Variants in WWP2 observed in about 807,000 individuals in gnomAD.
WWP2 encodes NEDD4-like E3 ubiquitin-protein ligase WWP2.
In WWP2, 57 loss-of-function variants were observed where a neutral mutation model predicts 121.0. The ratio of observed to expected loss-of-function variants is 0.47; its 90% CI spans 0.38 to 0.59. The LOEUF (loss-of-function observed/expected upper bound fraction) is 0.59. Among genes scored for constraint, WWP2 ranks in the 20% least tolerant of loss-of-function variants. The pLI, the probability that WWP2 is intolerant of heterozygous loss-of-function variation, is 0.00. For missense variants in WWP2, 962 were observed against 1,158.9 expected, an observed-to-expected ratio of 0.83 and a Z score of 2.47; for synonymous variants, 449 against 441.3, an observed-to-expected ratio of 1.02 and a Z score of -0.22.
rs1454911230 is a variant in WWP2, at chr16:69,925,762, T to C, written c.1234+278T>C. Among the ~76,000 whole-genome samples, 1 of 152,190 alleles carries C rather than the reference T, an allele frequency of 6.6e-6. No homozygotes were observed. The highest frequency in any genetic ancestry group is 1.5e-5 in the Non-Finnish European group (1 of 68,036). On this transcript the variant is annotated intron_variant, in intron 11 of 23. Coordinates refer to ENST00000359154, the MANE Select transcript of WWP2 (RefSeq NM_001270454.2). This position sits in a 1 kb window ranked among gnomAD's most constrained non-coding sequence, Gnocchi z 4.0. ...AGATGTCCCTGAGCAGCTGGGGGGC[T>C]ATTGGCTTTTGGTCTTGAGTTTCAA...
intron 6 of WWP2, among the ~76,000 whole-genome samples, chr16:69,858,117 TA>T (rs537242054): frequency 1.3e-4 from 19 of 145,768 alleles, no homozygotes; most frequent in South Asian, 2.2e-4. Flanking sequence ...TTAGAACCAG[TA>T]AAAAAAAAAA....
intron 2 of WWP2, chr16:69,787,968 C>T (rs2055827644): frequency 6.6e-6 from 1 of 152,450 alleles, no homozygotes; most frequent in East Asian, 1.9e-4. Context: ...ACCATTGTCT[C>T]CACCCTGAGT....
chr16:69,932,859 C>CAG (rs1161747028), intron 16 of WWP2, among the ~76,000 whole-genome samples: 12 of 152,212 alleles, frequency 7.9e-5, no homozygotes, highest in African/African-American at 2.2e-4. Context: ...AGGGCCCCGG[C>CAG]AGAGAGAGAG....
At chr16:69,859,122 T>G (rs767927042) in intron 6 of WWP2, among the ~76,000 whole-genome samples, 3 of 152,226 alleles carry the variant, frequency 2.0e-5, no homozygotes, top group South Asian at 2.1e-4. Flanking sequence ...CAACACCATT[T>G]ATTAGCTCAC....
In WWP2 at chr16:69,771,952, CTTTTTTT is replaced by C. The variant is rs56376857; in HGVS notation, c.-16+9581_-16+9587del. 1.3e-3 allele frequency among the ~76,000 whole-genome samples: 73 copies of C among 55,826 alleles called. No homozygotes were observed. The South Asian group carries it at 0.035, about 27-fold the overall frequency. 36.6% of individuals were successfully genotyped at this position (55,826 alleles called of 152,430 possible). A position where few individuals can be genotyped will look rare whatever the true frequency, so the allele number is the denominator to read the frequency against. The stretch of plus-strand genomic sequence containing the variant: ...TTGAGAAACTAAAAGTCTTTTTAGT[CTTTTTTT>C]TTTTTTTTTTTTTTTTTTTGAGACA... On this transcript the variant is annotated intron_variant, in intron 1 of 23. Transcript: ENST00000359154.
intron 4 of WWP2, among the ~76,000 whole-genome samples, chr16:69,832,144 T>G (rs1371061757): frequency 6.6e-6 from 1 of 151,602 alleles, no homozygotes; most frequent in African/African-American, 2.4e-5. Context: ...TGTTTGTTTG[T>G]TTGTTTTGTT....
At chr16:69,784,824 G>C (rs992333741) in intron 1 of WWP2, among the ~76,000 whole-genome samples, 2 of 151,982 alleles carry the variant, frequency 1.3e-5, no homozygotes, top group African/African-American at 4.8e-5. Context: ...TGTGTTACTA[G>C]ATTTGGGTAT....
chr16:69,907,167 G>A (rs1250028735), intron 8 of WWP2, among the ~76,000 whole-genome samples: 1 of 152,208 alleles, frequency 6.6e-6, no homozygotes, highest in East Asian at 1.9e-4. Context: ...TCTGAAATCA[G>A]ATGGGAGTTG....
intron 8 of WWP2, among the ~76,000 whole-genome samples, chr16:69,896,511 A>G (rs955915527): frequency 1.1e-4 from 16 of 152,156 alleles, no homozygotes; most frequent in African/African-American, 3.4e-4. Context: ...TGGCTTCCAA[A>G]GAGAGGGAGT....
chr16:69,875,362 C>T (rs992121231), intron 7 of WWP2, among the ~76,000 whole-genome samples: 1 of 152,228 alleles, frequency 6.6e-6, no homozygotes, highest in African/African-American at 2.4e-5. Context: ...ATGTTGATGG[C>T]TGCTGACTGA....
intron 19 of WWP2, 94 bp downstream of exon 19, chr16:69,936,546 TCA>T: frequency 6.5e-7 from 1 of 1,544,796 alleles, no homozygotes; most frequent in South Asian, 1.2e-5. Context: ...GGCCCATCGG[TCA>T]CTGTGGATGC....
chr16:69,825,081 G>A (rs2056660988), intron 4 of WWP2, among the ~76,000 whole-genome samples: 1 of 151,926 alleles, frequency 6.6e-6, no homozygotes, highest in African/African-American at 2.4e-5. Context: ...TAGCTTTTAT[G>A]TGTATATTTG....
intron 1 of WWP2, among the ~76,000 whole-genome samples, chr16:69,786,442 CTTTTTTTTTTTTTTTT>C (rs957224996): frequency 1.5e-4 from 13 of 85,406 alleles, no homozygotes; most frequent in African/African-American, 6.7e-4. Flanking sequence ...CCCAGCCAAT[CTTTTTTTTTTTTTTTT>C]TTTTTTTTTT....
chr16:69,908,947 G>T, intron 9 of WWP2, 97 bp downstream of exon 9: 1 of 1,575,182 alleles, frequency 6.3e-7, no homozygotes. Flanking sequence ...AGGTAGCATA[G>T]CACAGTGACG....
In WWP2 at chr16:69,917,934, G is replaced by A. The variant is rs370645579; in HGVS notation, c.1179+51G>A. 1.1e-5 allele frequency: 17 copies of A among 1,534,970 alleles called. No individual in the cohort carries two copies. The African/African-American group carries it at 1.6e-4, about 14-fold the overall frequency. The stretch of plus-strand genomic sequence containing the variant: ...GGTGGGGCCGCCTCCCTGCGCTTGC[G>A]AATGTGCAGCCACGTGTTCTCTGTT... On this transcript the variant is annotated intron_variant, in intron 10 of 23. Coordinates refer to ENST00000359154, the MANE Select transcript of WWP2 (RefSeq NM_001270454.2).
At chr16:69,792,681 A>T (rs1300196596) in intron 2 of WWP2, among the ~76,000 whole-genome samples, 1 of 152,202 alleles carries the variant, frequency 6.6e-6, no homozygotes, top group Non-Finnish European at 1.5e-5. Context: ...GGTACACGAC[A>T]TAACTTATGT....
chr16:69,936,690 T>C, intron 19 of WWP2: 1 of 572,410 alleles, frequency 1.7e-6, no homozygotes, highest in Non-Finnish European at 3.1e-6. Context: ...ACTTCAAGCC[T>C]GCAGCGTGGA....
chr16:69,844,267 T>C (rs1338470742), intron 6 of WWP2, among the ~76,000 whole-genome samples: 1 of 152,196 alleles, frequency 6.6e-6, no homozygotes, highest in Non-Finnish European at 1.5e-5. Context: ...AACAAAGCCA[T>C]GATGGGCACC....
At chr16:69,922,248 TAA>T (rs746561740) in intron 10 of WWP2, among the ~76,000 whole-genome samples, 6 of 143,120 alleles carry the variant, frequency 4.2e-5, no homozygotes, top group Admixed American at 6.9e-5. Flanking sequence ...GGTGCATCCT[TAA>T]AAAAAAAAAA....
Sources: allele counts gnomAD v4.1 joint callset (sites outside exome capture counted in the v4.1 genomes callset), GRCh38; gene constraint gnomAD v4.1.1; non-coding constraint Gnocchi (gnomAD v3.1); transcripts MANE v1.5; gene names NCBI Gene and HGNC (gene_info 2026-07-23, HGNC 2026-07-21).